Variants in SNTB2 observed in about 807,000 individuals in gnomAD.
The protein encoded by SNTB2 is beta-2-syntrophin.
SNTB2 carries 34 observed loss-of-function variants against 46.2 expected under a neutral mutation model. That is an observed-to-expected ratio of 0.74 (90% confidence interval 0.56 to 0.98). The LOEUF is 0.98. Ranked by LOEUF, SNTB2 falls within the 50% of genes least tolerant of loss-of-function variation. The pLI is 0.00. For missense variants in SNTB2, 603 were observed against 731.4 expected (o/e 0.82, Z 2.02); for synonymous variants, 290 against 312.6 (o/e 0.93, Z 0.76).
chr16:69,257,853 G>T (rs1292332142), intron 2 of SNTB2, among the ~76,000 whole-genome samples: 1 of 152,214 alleles, frequency 6.6e-6, no homozygotes, highest in African/African-American at 2.4e-5. Flanking sequence ...GGTAGGCCTG[G>T]AAGTAGCTAG....
chr16:69,273,129 G>T (rs535158503), intron 4 of SNTB2, among the ~76,000 whole-genome samples: 1 of 152,164 alleles, frequency 6.6e-6, no homozygotes, highest in African/African-American at 2.4e-5. Flanking sequence ...TTCATACACT[G>T]CTGGTGAGAA....
At chr16:69,263,693 C>T (rs1303341325) in intron 3 of SNTB2, among the ~76,000 whole-genome samples, 2 of 152,114 alleles carry the variant, frequency 1.3e-5, no homozygotes, top group Non-Finnish European at 2.9e-5. Context: ...GCTGGGATTA[C>T]AGGAGTGAGC....
At chr16:69,295,332 C>T (rs1167793073) in intron 5 of SNTB2, among the ~76,000 whole-genome samples, 1 of 146,828 alleles carries the variant, frequency 6.8e-6, no homozygotes, top group Non-Finnish European at 1.5e-5. Context: ...TCACTACAAC[C>T]TCTGCCTCCC....
rs1469621106 is a variant in SNTB2, at chr16:69,302,862, T to C, written c.*1938T>C. The C allele has an allele frequency of 6.6e-6, 1 of 152,180 alleles. No individual in the cohort carries two copies. The highest frequency in any genetic ancestry group is 1.5e-5 in the Non-Finnish European group (1 of 68,036). 9.4% of individuals were successfully genotyped at this position (152,180 alleles called of 1,614,324 possible). ...GAAAGTTCATAAACCTAAGATTGGC[T>C]CCATCTGAGATAAATTTTCTTTTCT... On this transcript the variant is annotated 3_prime_UTR_variant, in exon 7 of 7. Transcript: ENST00000336278.
chr16:69,207,455 G>A (rs1285403714), intron 1 of SNTB2, among the ~76,000 whole-genome samples: 1 of 152,126 alleles, frequency 6.6e-6, no homozygotes, highest in Non-Finnish European at 1.5e-5. Context: ...ACCGCGCCTG[G>A]TCAAAGTATA....
intron 2 of SNTB2, among the ~76,000 whole-genome samples, chr16:69,246,272 G>C (rs961866896): frequency 2.0e-5 from 3 of 152,112 alleles, no homozygotes; most frequent in Admixed American, 6.5e-5. Context: ...TAGCATGAAG[G>C]GTTGTTGAAT....
chr16:69,237,289 C>T (rs994623285), intron 1 of SNTB2, among the ~76,000 whole-genome samples: 3 of 151,956 alleles, frequency 2.0e-5, no homozygotes, highest in African/African-American at 7.3e-5. Flanking sequence ...AGAAGGAATA[C>T]AAAACAGCTG....
chr16:69,272,222 C>T (rs1964944028), intron 4 of SNTB2, among the ~76,000 whole-genome samples: 1 of 152,124 alleles, frequency 6.6e-6, no homozygotes, highest in Non-Finnish European at 1.5e-5. Context: ...AATCATATAT[C>T]TGACGAGACT....
rs186881667 is a variant in SNTB2, at chr16:69,210,110, G to A, written c.580+22364G>A. 5.9e-4 allele frequency among the ~76,000 whole-genome samples: 81 copies of A among 136,456 alleles called. 1 individual carries two copies. Among genetic ancestry groups the A allele is most frequent in the African/African-American group, 1.8e-3 (67 of 36,246 alleles). The allele number at this position is 136,456 out of a possible 152,430, so 89.5% of individuals were successfully genotyped here. ...GCGCAATCTCAGCTCACCACCATCC[G>A]CCTCCTGGGTTCAAGCAATTCTCCT... On this transcript the variant is annotated intron_variant, in intron 1 of 6. Transcript: ENST00000336278.
At chr16:69,241,349 A>G (rs560242118) in intron 1 of SNTB2, among the ~76,000 whole-genome samples, 8 of 142,818 alleles carry the variant, frequency 5.6e-5, no homozygotes, top group Non-Finnish European at 1.1e-4. Context: ...GCAAATTTTT[A>G]TATTTTTTAG....
chr16:69,234,371 A>G (rs1386274228), intron 1 of SNTB2, among the ~76,000 whole-genome samples: 2 of 152,244 alleles, frequency 1.3e-5, no homozygotes, highest in East Asian at 3.9e-4. Flanking sequence ...TAATTAGGGA[A>G]TGCCTAAATA....
chr16:69,270,523 A>G (rs548546801), intron 4 of SNTB2, among the ~76,000 whole-genome samples: 3 of 152,276 alleles, frequency 2.0e-5, no homozygotes, highest in African/African-American at 7.2e-5. Context: ...TTGTCAAGGA[A>G]CTTCCTAACT....
Position 69,284,102 on chromosome 16 carries a change from A to G in SNTB2, c.1203A>G (p.Thr401=), listed in dbSNP as rs151173808. 1.8e-4 allele frequency: 291 copies of G among 1,613,838 alleles called. No homozygotes were observed. Among genetic ancestry groups the G allele is most frequent in the Middle Eastern group, 4.9e-4 (3 of 6,062 alleles). The change falls in exon 5 of 7, where the codon ACA becomes ACG. Residue 401 remains threonine (T), a synonymous_variant. Coordinates refer to ENST00000336278, the MANE Select transcript of SNTB2 (RefSeq NM_006750.4). ...CCCCCTCCCTTGGATCTGACCTTACATTTGCTACCAGGACAGGCTCTCGAC... is the reference window on the plus strand; with the variant it reads ...CCCCCTCCCTTGGATCTGACCTTACGTTTGCTACCAGGACAGGCTCTCGAC... ...CRSPSLGSDL[T]FATRTGSRQG...
chr16:69,261,989 G>A (rs1163388411), intron 3 of SNTB2, among the ~76,000 whole-genome samples: 3 of 152,086 alleles, frequency 2.0e-5, no homozygotes, highest in East Asian at 1.9e-4. Context: ...TGGGAGAATC[G>A]CTCAAGACCA....
chr16:69,235,342 A>G (rs1197011516), intron 1 of SNTB2, among the ~76,000 whole-genome samples: 1 of 152,164 alleles, frequency 6.6e-6, no homozygotes, highest in Non-Finnish European at 1.5e-5. Context: ...TGGGCCTAGA[A>G]CTATCCTAAG....
rs1965278802 is a variant in SNTB2 at position 69,301,761 on chromosome 16, T to G, written c.*837T>G. 1 of 152,634 alleles carries G rather than the reference T, an allele frequency of 6.6e-6. No individual in the cohort carries two copies. Among genetic ancestry groups the G allele is most frequent in the East Asian group, 1.9e-4 (1 of 5,202 alleles). 9.5% of individuals were successfully genotyped at this position (152,634 alleles called of 1,614,324 possible). ...CTCTTCCTAGGTTAAGCCATTTTTT[T>G]TATTGCTTACCAAATGTGCCTTTGG... is the stretch of plus-strand genomic sequence containing the variant. On this transcript the variant is annotated 3_prime_UTR_variant, in exon 7 of 7. Transcript: ENST00000336278.
chr16:69,200,265 A>G (rs1028497575), intron 1 of SNTB2, among the ~76,000 whole-genome samples: 40 of 152,282 alleles, frequency 2.6e-4, no homozygotes, highest in African/African-American at 9.4e-4. Context: ...AGGAATTTAG[A>G]TATTAGGCGT....
chr16:69,251,145 A>C (rs917729456), intron 2 of SNTB2, among the ~76,000 whole-genome samples: 3 of 150,584 alleles, frequency 2.0e-5, no homozygotes, highest in Admixed American at 6.6e-5. Context: ...CGCCCGGCTA[A>C]TTTTTTGTAT....
chr16:69,222,127 A>C (rs1456315679), intron 1 of SNTB2, among the ~76,000 whole-genome samples: 2 of 152,250 alleles, frequency 1.3e-5, no homozygotes, highest in Non-Finnish European at 2.9e-5. Flanking sequence ...ACAATTATTT[A>C]TGGCATCGTT....
Sources: allele counts gnomAD v4.1 joint callset (sites outside exome capture counted in the v4.1 genomes callset), GRCh38; gene constraint gnomAD v4.1.1; transcripts MANE v1.5; gene names NCBI Gene and HGNC (gene_info 2026-07-23, HGNC 2026-07-21).